HIRA: variants seen among roughly 807,000 people sequenced by gnomAD.
HIRA encodes histone cell cycle regulator.
A neutral mutation model predicts 126.6 loss-of-function variants in HIRA; 13 were observed. The observed-to-expected ratio is 0.10, with a 90% CI of 0.07 to 0.16. The LOEUF (loss-of-function observed/expected upper bound fraction) is 0.16. HIRA is among the 10% of genes least tolerant of loss of function. HIRA has a pLI of 1.00. For missense variants in HIRA, 834 were observed against 1,314.4 expected (o/e 0.63, Z 5.65); for synonymous variants, 511 against 520.0 (o/e 0.98, Z 0.24).
intron 6 of HIRA, among the ~76,000 whole-genome samples, chr22:19,397,516 G>T (rs2089233806): frequency 6.6e-6 from 1 of 152,210 alleles, no homozygotes; most frequent in Non-Finnish European, 1.5e-5. Flanking sequence ...GCTGAAATAT[G>T]AGAAGAATTT....
intron 15 of HIRA, among the ~76,000 whole-genome samples, chr22:19,368,654 T>G (rs2088936473): frequency 6.6e-6 from 1 of 152,182 alleles, no homozygotes; most frequent in South Asian, 2.1e-4. Context: ...TCTGAAAGGG[T>G]TTCATGTATT....
rs782206941 is a variant in HIRA at position 19,355,791 on chromosome 22, C to A, written c.2530G>T (p.Ala844Ser). The A allele has an allele frequency of 1.2e-6, 2 of 1,613,922 alleles. No individual in the cohort carries two copies. The highest frequency in any genetic ancestry group is 3.3e-5 in the Admixed American group (2 of 60,016). Residue 844 changes from alanine (A) to serine (S), a missense_variant, in exon 21 of 25, where the codon GCG becomes TCG. Around this residue, in one of 5 missense-constraint regions of HIRA, gnomAD observed 468 missense variants for 574.2 expected, o/e 0.82. Coordinates refer to ENST00000263208, the MANE Select transcript of HIRA (RefSeq NM_003325.4). ...GAAAGTGACGGATTAAAGCAGTACG[C>A]CTTCCCATCGGACAGGTTCATTACT... ...IPVMNLSDGK[A>S]YCFNPSLSTW...
chr22:19,356,325 C>T, intron 19 of HIRA, 37 bp from the exon 20 acceptor site: 1 of 1,574,456 alleles, frequency 6.4e-7, no homozygotes, highest in South Asian at 1.1e-5. Flanking sequence ...CTCACCAACC[C>T]AGGTAAACAC....
chr22:19,400,782 AT>A (rs1270166321), intron 5 of HIRA, among the ~76,000 whole-genome samples: 1 of 151,900 alleles, frequency 6.6e-6, no homozygotes, highest in Non-Finnish European at 1.5e-5. Context: ...GGTTCCTTAA[AT>A]TCCTCCTTCC....
At chr22:19,431,388 G>A in intron 1 of HIRA, 52 bp downstream of exon 1, 1 of 1,592,314 alleles carries the variant, frequency 6.3e-7, no homozygotes, top group Non-Finnish European at 8.6e-7. Flanking sequence ...CTCGACTCCA[G>A]ACCCCGACCC....
rs1313738476 is a variant in HIRA at position 19,375,636 on chromosome 22, C to T, written c.1770G>A (p.Val590=). The change falls in exon 15 of 25, where the codon GTG becomes GTA. Residue 590 remains valine, a synonymous_variant. Transcript: ENST00000263208. ...PALTSMTPTA[V]ERLKEQNLVK... is the part of the protein sequence containing the mutation. ...GTCCTGCAGCTACCACCTACCTTTCCACAGCTGTCGGAGTCATGCTGGTCA... is the reference window on the plus strand; with the variant it reads ...GTCCTGCAGCTACCACCTACCTTTCTACAGCTGTCGGAGTCATGCTGGTCA... The T allele has an allele frequency of 3.7e-6, 6 of 1,614,000 alleles. No individual in the cohort carries two copies. The highest frequency in any genetic ancestry group is 5.1e-6 in the Non-Finnish European group (6 of 1,179,976).
chr22:19,410,833 T>G (rs2089346685), intron 1 of HIRA, 55 bp from the exon 2 acceptor site: 1 of 1,365,134 alleles, frequency 7.3e-7, no homozygotes, highest in Non-Finnish European at 1.0e-6. Flanking sequence ...TTCATTGAAG[T>G]GTATCAAACT....
rs762646917 is a variant in HIRA at position 19,359,452 on chromosome 22, C to G, written c.2118G>C (p.Val706=). The G allele has an allele frequency of 6.2e-7, 1 of 1,609,704 alleles. No homozygotes were observed. The highest frequency in any genetic ancestry group is 8.5e-7 in the Non-Finnish European group (1 of 1,178,218). The change falls in exon 18 of 25, where the codon GTG becomes GTC. Residue 706 remains valine (V), a synonymous_variant. Transcript: ENST00000263208. ...VSSDPSMYIE[V]ENEVTVVGGV... The stretch of plus-strand genomic sequence containing the variant: ...CCCCCACCACTGTCACTTCATTCTC[C>G]ACCTCAATGTACATGGAAGGATCGG...
intron 24 of HIRA, among the ~76,000 whole-genome samples, chr22:19,343,729 C>T (rs1225711903): frequency 6.6e-6 from 1 of 151,882 alleles, no homozygotes; most frequent in Non-Finnish European, 1.5e-5. Flanking sequence ...AATTTGAGAC[C>T]AGCCTGGGCA....
At chr22:19,338,130 T>C (rs1208891390) in intron 24 of HIRA, among the ~76,000 whole-genome samples, 1 of 152,090 alleles carries the variant, frequency 6.6e-6, no homozygotes, top group Non-Finnish European at 1.5e-5. Flanking sequence ...TCTCAGCAGA[T>C]ACCCTACAAG....
chr22:19,391,793 T>C (rs922952203), intron 9 of HIRA, among the ~76,000 whole-genome samples: 13 of 152,132 alleles, frequency 8.5e-5, no homozygotes, highest in Non-Finnish European at 5.9e-5. Context: ...TAAAGATTTT[T>C]CTAATAGGAA....
At chr22:19,411,904 T>C (rs1384737502) in intron 1 of HIRA, among the ~76,000 whole-genome samples, 1 of 152,346 alleles carries the variant, frequency 6.6e-6, no homozygotes, top group African/African-American at 2.4e-5. Context: ...AATTAAATGC[T>C]GGTGCCCAAA....
chr22:19,417,646 G>A (rs1332318502), intron 1 of HIRA, among the ~76,000 whole-genome samples: 1 of 152,060 alleles, frequency 6.6e-6, no homozygotes, highest in African/African-American at 2.4e-5. Context: ...ATAAAAAGAT[G>A]GCTACTTACA....
intron 24 of HIRA, among the ~76,000 whole-genome samples, chr22:19,349,681 T>G (rs1271639052): frequency 2.0e-5 from 3 of 152,194 alleles, no homozygotes; most frequent in Non-Finnish European, 4.4e-5. Context: ...GATTTGACTT[T>G]GAACCCAGGA....
rs972916740 is a variant in HIRA at position 19,347,870 on chromosome 22, C to T, written c.2937+3488G>A. ...AGGAGAATTGCTTGAACCCAGGAGG[C>T]AGAGGTTACAGTGAGCTGATATTGT... On this transcript the variant is annotated intron_variant, in intron 24 of 24. Transcript: ENST00000263208. 2.2e-4 allele frequency among the ~76,000 whole-genome samples: 33 copies of T among 152,276 alleles called. 1 individual carries two copies. Among genetic ancestry groups the T allele is most frequent in the African/African-American group, 7.7e-4 (32 of 41,554 alleles).
intron 1 of HIRA, 60 bp downstream of exon 1, chr22:19,431,380 C>A: frequency 6.3e-7 from 1 of 1,575,606 alleles, no homozygotes. Flanking sequence ...CGCCCCGACT[C>A]GACTCCAGAC....
At chr22:19,399,117 A>G in intron 5 of HIRA, 1 of 985,408 alleles carries the variant, frequency 1.0e-6, no homozygotes, top group South Asian at 4.7e-5. Context: ...CGATGGTGCC[A>G]ACCTTGCCTA....
intron 24 of HIRA, among the ~76,000 whole-genome samples, chr22:19,345,773 C>T (rs2088679958): frequency 6.6e-6 from 1 of 152,170 alleles, no homozygotes; most frequent in African/African-American, 2.4e-5. Flanking sequence ...TTCCTAAGAA[C>T]AGGGCCTGGC....
chr22:19,390,354 A>G (rs540102134), intron 9 of HIRA, among the ~76,000 whole-genome samples: 4 of 152,238 alleles, frequency 2.6e-5, no homozygotes, highest in Non-Finnish European at 4.4e-5. Flanking sequence ...GTACTTTGGG[A>G]GGCCAAGGCG....
Sources: gnomAD v4.1 joint callset for allele counts (sites outside exome capture counted in the v4.1 genomes callset) on GRCh38, gnomAD v4.1.1 for gene constraint, gnomAD v4.1.1 regional missense constraint, MANE v1.5 for transcripts, NCBI Gene and HGNC (gene_info 2026-07-23, HGNC 2026-07-21) for gene names.